CPLX4: variants seen among roughly 807,000 people sequenced by gnomAD.
The protein encoded by CPLX4 is complexin-4.
CPLX4 carries 17 observed loss-of-function variants against 16.1 expected under a neutral mutation model. The observed-to-expected ratio is 1.06, with a 90% CI of 0.72 to 1.59. CPLX4 has a LOEUF of 1.59. CPLX4 is among the 40% of genes most tolerant of loss of function. The pLI, the probability that CPLX4 is intolerant of heterozygous loss-of-function variation, is 0.00. For missense variants in CPLX4, 193 were observed against 192.9 expected (o/e 1.00, Z 0.00); for synonymous variants, 55 against 57.8 (o/e 0.95, Z 0.22).
At chr18:59,306,171 G>T (rs557636705) in intron 2 of CPLX4, among the ~76,000 whole-genome samples, 4 of 152,276 alleles carry the variant, frequency 2.6e-5, no homozygotes, top group African/African-American at 9.6e-5. Flanking sequence ...GGAGAGATTT[G>T]ACCTCCTTTA....
rs555536309 is a variant in CPLX4, at chr18:59,314,838, G to T, written c.168-2066C>A. ...CTTGTTGTTTTATGTACTAGTAGCT[G>T]GTTCCTTTTTATTGCTGAGTAGTAA... On this transcript the variant is annotated intron_variant, in intron 1 of 2. Coordinates refer to ENST00000299721, the MANE Select transcript of CPLX4 (RefSeq NM_181654.4). Among the ~76,000 whole-genome samples the T allele has an allele frequency of 3.9e-5, 6 of 152,286 alleles. No individual in the cohort carries two copies. The East Asian group carries it at 5.8e-4, about 15-fold the overall frequency.
chr18:59,304,924 A>AGT (rs56041280), intron 2 of CPLX4, among the ~76,000 whole-genome samples: 25,283 of 141,876 alleles, frequency 0.18, 2,216 homozygotes, highest in Non-Finnish European at 0.2. Flanking sequence ...CTCAACAATC[A>AGT]GTGTGTGTGT....
In CPLX4 at chr18:59,312,725, C is replaced by A. The variant is rs2070626082; in HGVS notation, c.215G>T (p.Cys72Phe). Reference protein sequence around the residue: ...AFTQKKAERACLRVHLREKYR... With the variant: ...AFTQKKAERAFLRVHLREKYR... The stretch of plus-strand genomic sequence containing the variant: ...TTTTTCTCTGAGATGAACTCTGAGG[C>A]ATGCCCTTTCTGCCTTTTTCTGTGT... The change falls in exon 2 of 3, where the codon TGC (cysteine) becomes TTC (phenylalanine). Residue 72 changes from cysteine (C) to phenylalanine (F), a missense_variant. Transcript: ENST00000299721. 1 of 1,476,032 alleles carries A rather than the reference C, an allele frequency of 6.8e-7. No homozygotes were observed. The highest frequency in any genetic ancestry group is 1.4e-5 in the African/African-American group (1 of 72,210). The allele number at this position is 1,476,032 out of a possible 1,614,324, so 91.4% of individuals were successfully genotyped here.
At chr18:59,306,714 C>T (rs969359005) in intron 2 of CPLX4, among the ~76,000 whole-genome samples, 1 of 152,130 alleles carries the variant, frequency 6.6e-6, no homozygotes, top group Non-Finnish European at 1.5e-5. Flanking sequence ...CCTCATTAGA[C>T]CTGACAGCTC....
At chr18:59,313,146 G>T (rs1463554003) in intron 1 of CPLX4, among the ~76,000 whole-genome samples, 1 of 152,162 alleles carries the variant, frequency 6.6e-6, no homozygotes, top group Non-Finnish European at 1.5e-5. Flanking sequence ...TAGCCCTGCT[G>T]CATCAGAATC....
intron 2 of CPLX4, among the ~76,000 whole-genome samples, chr18:59,301,117 G>A (rs1455369893): frequency 6.6e-6 from 1 of 152,204 alleles, no homozygotes; most frequent in African/African-American, 2.4e-5. Context: ...CACTCCTCAG[G>A]CCTAGTCTGC....
chr18:59,318,158 C>T (rs2070663245), intron 1 of CPLX4, 138 bp downstream of exon 1: 2 of 1,389,024 alleles, frequency 1.4e-6, no homozygotes, highest in South Asian at 2.1e-5. Flanking sequence ...GAAGAACAAC[C>T]TTTCCTTGGG....
At chr18:59,307,333 C>T (rs1435176114) in intron 2 of CPLX4, among the ~76,000 whole-genome samples, 1 of 152,118 alleles carries the variant, frequency 6.6e-6, no homozygotes, top group Non-Finnish European at 1.5e-5. Context: ...ACACTGGTGT[C>T]GAGGAGCCAA....
At chr18:59,308,408 A>G (rs1353312841) in intron 2 of CPLX4, among the ~76,000 whole-genome samples, 1 of 151,578 alleles carries the variant, frequency 6.6e-6, no homozygotes, top group Non-Finnish European at 1.5e-5. Flanking sequence ...CTCTCCCGTT[A>G]TGCCATGGGA....
At chr18:59,316,252 C>T (rs949092950) in intron 1 of CPLX4, among the ~76,000 whole-genome samples, 21 of 121,178 alleles carry the variant, frequency 1.7e-4, no homozygotes, top group South Asian at 2.6e-4. Flanking sequence ...ACCAGTGGTG[C>T]GTGCGCACAC....
rs2070665127 is a variant in CPLX4 at position 59,318,383 on chromosome 18, TC to T, written c.79del (p.Glu27LysfsTer14). On this transcript the variant is annotated frameshift_variant, in exon 1 of 3. Coordinates refer to ENST00000299721, the MANE Select transcript of CPLX4 (RefSeq NM_181654.4). LOFTEE classifies it high-confidence loss of function. ...TGCAGGATCAGATGCACCTCCTTCT[TC>T]TTTATTTTCTTCAGACCCACCACCA... ...GFGGGSEENK[E>X]EGGASDPAAA... 2 of 1,613,782 alleles carry T rather than the reference TC, an allele frequency of 1.2e-6. No homozygotes were observed. Among genetic ancestry groups the T allele is most frequent in the African/African-American group, 2.7e-5 (2 of 74,900 alleles).
chr18:59,300,417 T>C (rs1475487407), intron 2 of CPLX4, among the ~76,000 whole-genome samples: 1 of 152,216 alleles, frequency 6.6e-6, no homozygotes, highest in Non-Finnish European at 1.5e-5. Flanking sequence ...GATAACAGCC[T>C]TAGTAATACT....
chr18:59,304,889 C>T (rs1001031988), intron 2 of CPLX4, among the ~76,000 whole-genome samples: 1 of 149,956 alleles, frequency 6.7e-6, no homozygotes, highest in Non-Finnish European at 1.5e-5. Flanking sequence ...TCTTTCTTTT[C>T]TTTTTCCCCA....
Position 59,296,566 on chromosome 18 carries a change from T to G in CPLX4, c.*132A>C. 1.1e-6 allele frequency: 1 copy of G among 920,288 alleles called. No homozygotes were observed. Among genetic ancestry groups the G allele is most frequent in the Non-Finnish European group, 1.7e-6 (1 of 599,414 alleles). The allele number at this position is 920,288 out of a possible 1,614,324, so 57.0% of individuals were successfully genotyped here. ...GGAATATTTAGAACAACCAAATTAT[T>G]GTCTGTCAATGGATCATCGTGGTTT... On this transcript the variant is annotated 3_prime_UTR_variant, in exon 3 of 3. Transcript: ENST00000299721.
intron 1 of CPLX4, among the ~76,000 whole-genome samples, chr18:59,315,523 A>C (rs537344893): frequency 2.0e-5 from 3 of 152,262 alleles, no homozygotes; most frequent in African/African-American, 7.2e-5. Context: ...AAAAGTTTTT[A>C]ACTTAGAGTT....
Position 59,295,723 on chromosome 18 carries a change from G to A in CPLX4, c.*975C>T, listed in dbSNP as rs2070494941. 6.6e-6 allele frequency: 1 copy of A among 151,932 alleles called. No individual in the cohort carries two copies. The highest frequency in any genetic ancestry group is 1.5e-5 in the Non-Finnish European group (1 of 67,998). 9.4% of individuals were successfully genotyped at this position (151,932 alleles called of 1,614,324 possible). A position where few individuals can be genotyped will look rare whatever the true frequency, so the allele number is the denominator to read the frequency against. On this transcript the variant is annotated 3_prime_UTR_variant, in exon 3 of 3. Transcript: ENST00000299721. ...GGAAAAATCAGTGTCTACCCTGAAA[G>A]CTTGTGGCACCAAATGACAGTGTGA...
intron 1 of CPLX4, among the ~76,000 whole-genome samples, chr18:59,316,674 C>T (rs1053720471): frequency 1.3e-5 from 2 of 152,130 alleles, no homozygotes; most frequent in African/African-American, 4.8e-5. Context: ...GAGTAGCTGA[C>T]AACTCAGTCT....
At position 59,299,601 on chromosome 18, in the gene CPLX4, G is replaced by A. The variant is rs148231113; in HGVS notation, c.256-2676C>T. ...AGGCCACCATCTATGGCTCTGCAGC[G>A]CTTGAAGAAGCTTTGGGATGGTTTC... On this transcript the variant is annotated intron_variant, in intron 2 of 2. Transcript: ENST00000299721. 5.2e-3 allele frequency among the ~76,000 whole-genome samples: 795 copies of A among 152,318 alleles called. 6 individuals carry two copies. The highest frequency in any genetic ancestry group is 9.3e-3 in the Admixed American group (142 of 15,302).
At position 59,296,112 on chromosome 18, in the gene CPLX4, G is replaced by A. The variant is rs1286836190; in HGVS notation, c.*586C>T. On this transcript the variant is annotated 3_prime_UTR_variant, in exon 3 of 3. Transcript: ENST00000299721. ...ATTCGTCATTGTTCACCACATCTGT[G>A]CTACCGCCACTTGGCTGAGAAGCAT... The A allele has an allele frequency of 6.5e-6, 1 of 153,722 alleles. No homozygotes were observed. The highest frequency in any genetic ancestry group is 2.5e-5 in the African/African-American group (1 of 40,728). 9.5% of individuals were successfully genotyped at this position (153,722 alleles called of 1,614,324 possible).
Sources: gnomAD v4.1 joint callset for allele counts (sites outside exome capture counted in the v4.1 genomes callset) on GRCh38, gnomAD v4.1.1 for gene constraint, MANE v1.5 for transcripts, NCBI Gene and HGNC (gene_info 2026-07-23, HGNC 2026-07-21) for gene names.